PLXND1: variants seen among roughly 807,000 people sequenced by gnomAD.
PLXND1 encodes plexin-D1.
Under a neutral mutation model 197.7 loss-of-function variants are expected in PLXND1, and 54 were observed. The ratio of observed to expected loss-of-function variants is 0.27; its 90% CI spans 0.22 to 0.34. PLXND1 has a LOEUF of 0.34. PLXND1 is among the 10% of genes least tolerant of loss of function. The pLI is 1.00. For synonymous variants in PLXND1, 1,180 were observed against 1,161.2 expected, an observed-to-expected ratio of 1.02 and a Z score of -0.33; for missense variants, 2,127 against 2,699.2, an observed-to-expected ratio of 0.79 and a Z score of 4.70.
chr3:129,572,956 T>A lies in PLXND1; in HGVS notation c.2838-15A>T. On this transcript the variant is annotated splice_polypyrimidine_tract_variant and intron_variant, in intron 13 of 35. Transcript: ENST00000324093. ...CACACACGATCCTGAGGGGAGGTGC[T>A]GTGGTCAGCCAGCGGTCCTTGGCCC... The A allele has an allele frequency of 6.3e-7, 1 of 1,599,536 alleles. No individual in the cohort carries two copies. The highest frequency in any genetic ancestry group is 8.6e-7 in the Non-Finnish European group (1 of 1,167,984).
rs771563847 is a variant in PLXND1 at position 129,575,510 on chromosome 3, C to A, written c.2489G>T (p.Gly830Val). The change falls in exon 11 of 36, where the codon GGG (glycine) becomes GTG (valine). Residue 830 changes from glycine (G) to valine (V), a missense_variant. This residue lies in a region of PLXND1 where 1,095 missense variants were observed against 1,259.8 expected (regional missense o/e 0.87). Transcript: ENST00000324093. ...GCTGTCCAGGAATCGGGCTGGCCGC[C>A]CCTTTAGTTGGAGGCTGAGCGGGAA... ...QVFPLSLQLK[G>V]RPARFLDSPE... 3.2e-6 allele frequency: 5 copies of A among 1,556,606 alleles called. No homozygotes were observed. The South Asian group carries it at 5.9e-5, about 18-fold the overall frequency.
intron 20 of PLXND1, among the ~76,000 whole-genome samples, chr3:129,568,091 T>TA (rs1179794776): frequency 7.8e-4 from 114 of 145,896 alleles, no homozygotes; most frequent in South Asian, 2.8e-3. Flanking sequence ...CTAGCCCCGT[T>TA]AAAAAAAAAA....
intron 18 of PLXND1, 23 bp from the exon 19 acceptor site, chr3:129,570,958 T>A (rs1194272517): frequency 5.0e-6 from 8 of 1,613,932 alleles, no homozygotes; most frequent in Admixed American, 1.7e-5. Context: ...AGGGGGAGGA[T>A]GCTCATGGGG....
Position 129,574,181 on chromosome 3 carries a change from G to A in PLXND1, c.2685+155C>T, listed in dbSNP as rs4688804. Reference sequence around the variant, plus strand: ...CCTCCCCCACTGAAACATCAGCTCTGTGAGGCAGAGCACTTCCTTTTGTTC... The same window carrying A: ...CCTCCCCCACTGAAACATCAGCTCTATGAGGCAGAGCACTTCCTTTTGTTC... On this transcript the variant is annotated intron_variant, in intron 12 of 35. Transcript: ENST00000324093. Among the ~76,000 whole-genome samples, 148 of 152,312 alleles carry A rather than the reference G, an allele frequency of 9.7e-4. No homozygotes were observed. In the East Asian group the frequency reaches 0.01, roughly 10 times the overall value.
intron 1 of PLXND1, among the ~76,000 whole-genome samples, chr3:129,597,592 C>T (rs1464006268): frequency 1.3e-5 from 2 of 152,222 alleles, no homozygotes; most frequent in Non-Finnish European, 2.9e-5. Flanking sequence ...CCCCCTCCAG[C>T]GCATGATTTA....
chr3:129,586,094 C>G lies in PLXND1; in HGVS notation c.1722-13G>C, dbSNP rs538792205. ...CTGCAAGGTGCACCTGGGGTGGCAC[C>G]GCAGGGTCAGGACCCAGGTCAGCTC... is the stretch of plus-strand genomic sequence containing the variant. On this transcript the variant is annotated splice_polypyrimidine_tract_variant and intron_variant, in intron 4 of 35. Coordinates refer to ENST00000324093, the MANE Select transcript of PLXND1 (RefSeq NM_015103.3). 6.2e-7 allele frequency: 1 copy of G among 1,613,758 alleles called. No homozygotes were observed. The highest frequency in any genetic ancestry group is 1.1e-5 in the South Asian group (1 of 91,078).
intron 19 of PLXND1, among the ~76,000 whole-genome samples, chr3:129,570,388 G>A (rs971695883): frequency 2.0e-5 from 3 of 152,018 alleles, no homozygotes; most frequent in South Asian, 2.1e-4. Context: ...TCCTGGGGTG[G>A]CACACGCTGC....
intron 11 of PLXND1, among the ~76,000 whole-genome samples, 167 bp downstream of exon 11, chr3:129,575,302 C>T (rs1354276535): frequency 6.6e-6 from 1 of 152,218 alleles, no homozygotes; most frequent in Non-Finnish European, 1.5e-5. Flanking sequence ...GGCCTGGAGC[C>T]TGGCATGGCA....
intron 2 of PLXND1, 104 bp from the exon 3 acceptor site, chr3:129,586,823 T>C: frequency 7.4e-7 from 1 of 1,351,988 alleles, no homozygotes; most frequent in African/African-American, 1.4e-5. Flanking sequence ...CCCCATCCTG[T>C]CTTGGACCCT....
intron 11 of PLXND1, among the ~76,000 whole-genome samples, chr3:129,575,229 C>T (rs1355573151): frequency 6.6e-6 from 1 of 152,068 alleles, no homozygotes; most frequent in Non-Finnish European, 1.5e-5. Context: ...GGGACTGTGT[C>T]CTGTTTCCTA....
Position 129,571,852 on chromosome 3 carries a change from G to T in PLXND1, c.3078-8C>A, listed in dbSNP as rs1212722204. ...ATGCTGGTATCTGTGCGCCTGGGGG[G>T]AGCAGCAGGTTATCAGCAGGGCCTG... On this transcript the variant is annotated splice_region_variant and splice_polypyrimidine_tract_variant and intron_variant, in intron 15 of 35. Transcript: ENST00000324093. The T allele has an allele frequency of 1.2e-5, 19 of 1,603,410 alleles. No individual in the cohort carries two copies. Among genetic ancestry groups the T allele is most frequent in the Non-Finnish European group, 1.6e-5 (19 of 1,175,202 alleles).
intron 2 of PLXND1, 44 bp downstream of exon 2, chr3:129,589,307 G>GCCGGGGGGCC: frequency 4.4e-6 from 3 of 684,692 alleles, no homozygotes; most frequent in Non-Finnish European, 5.1e-6. Context: ...TCCCAGGGGA[G>GCCGGGGGGCC]CCTCCCACCC....
At chr3:129,603,134 A>C (rs940059624) in intron 1 of PLXND1, among the ~76,000 whole-genome samples, 1 of 152,218 alleles carries the variant, frequency 6.6e-6, no homozygotes, top group Non-Finnish European at 1.5e-5. Context: ...GCCTGTGCCC[A>C]CAGCGGGCAC....
Position 129,599,148 on chromosome 3 carries a change from C to T in PLXND1, c.1311+6181G>A, listed in dbSNP as rs534591391. On this transcript the variant is annotated intron_variant, in intron 1 of 35. Transcript: ENST00000324093. ...CGCTCCTGTCCCAGTACACGCCACGCGTCTTTGTTCACGGCAGCAACCAGG... is the reference window on the plus strand; with the variant it reads ...CGCTCCTGTCCCAGTACACGCCACGTGTCTTTGTTCACGGCAGCAACCAGG... Among the ~76,000 whole-genome samples the T allele has an allele frequency of 8.5e-5, 13 of 152,306 alleles. No homozygotes were observed. In the South Asian group the frequency reaches 1.9e-3, roughly 22 times the overall value.
intron 8 of PLXND1, among the ~76,000 whole-genome samples, chr3:129,578,960 G>C (rs2085351412): frequency 1.3e-5 from 2 of 152,166 alleles, no homozygotes; most frequent in African/African-American, 4.8e-5. Flanking sequence ...CATTTCAGAG[G>C]GCCAGATACC....
Position 129,558,642 on chromosome 3 carries a change from G to T in PLXND1, c.5298-67C>A. ...TAGGAAGCAGTCGAGGGACAGTTGT[G>T]GAGGAGAGAGCTGGCTTTGTCCCTC... is the stretch of plus-strand genomic sequence containing the variant. On this transcript the variant is annotated intron_variant, in intron 32 of 35. Transcript: ENST00000324093. This position sits in a 1 kb window ranked among gnomAD's most constrained non-coding sequence, Gnocchi z 4.1. 6.7e-7 allele frequency: 1 copy of T among 1,487,392 alleles called. No homozygotes were observed. 92.1% of individuals were successfully genotyped at this position (1,487,392 alleles called of 1,614,324 possible).
chr3:129,592,928 G>A (rs2085567872), intron 1 of PLXND1, among the ~76,000 whole-genome samples: 1 of 152,136 alleles, frequency 6.6e-6, no homozygotes, highest in East Asian at 1.9e-4. Flanking sequence ...GGGACTAGAC[G>A]TCCTGAGCAT....
At chr3:129,584,029 T>A in intron 7 of PLXND1, 96 bp downstream of exon 7, 1 of 762,736 alleles carries the variant, frequency 1.3e-6, no homozygotes, top group East Asian at 2.7e-5. Context: ...TACGATGCTA[T>A]GATTTTTCTT....
At position 129,571,745 on chromosome 3, in the gene PLXND1, G is replaced by C; in HGVS notation, c.3177C>G (p.Gly1059=). ...VRFERRGCVH[G]NLTFWYMQNP... ...TCTGCATGTACCAGAAGGTGAGGTT[G>C]CCGTGCACGCAGCCCCGACGCTCGA... Residue 1059 remains glycine (G), a synonymous_variant, in exon 16 of 36, where the codon GGC becomes GGG. Coordinates refer to ENST00000324093, the MANE Select transcript of PLXND1 (RefSeq NM_015103.3). 1 of 1,613,520 alleles carries C rather than the reference G, an allele frequency of 6.2e-7. No individual in the cohort carries two copies. Among genetic ancestry groups the C allele is most frequent in the Non-Finnish European group, 8.5e-7 (1 of 1,179,946 alleles).
Sources: gnomAD v4.1 joint callset for allele counts (sites outside exome capture counted in the v4.1 genomes callset) on GRCh38, gnomAD v4.1.1 for gene constraint, gnomAD v4.1.1 regional missense constraint, Gnocchi (gnomAD v3.1) non-coding constraint, MANE v1.5 for transcripts, NCBI Gene and HGNC (gene_info 2026-07-23, HGNC 2026-07-21) for gene names.